Variants in SEC11C observed in about 807,000 individuals in gnomAD.
The protein encoded by SEC11C is signal peptidase complex catalytic subunit SEC11C.
SEC11C carries 10 observed loss-of-function variants against 21.9 expected under a neutral mutation model. The ratio of observed to expected loss-of-function variants is 0.46; its 90% CI spans 0.28 to 0.77. The LOEUF (loss-of-function observed/expected upper bound fraction) is 0.77, where lower values mean the gene tolerates loss of function less well. Among genes scored for constraint, SEC11C ranks in the 30% least tolerant of loss-of-function variants. The pLI, the probability that SEC11C is intolerant of heterozygous loss-of-function variation, is 0.12. For missense variants in SEC11C, 145 were observed against 244.5 expected, an observed-to-expected ratio of 0.59 and a Z score of 2.71; for synonymous variants, 83 against 85.6, an observed-to-expected ratio of 0.97 and a Z score of 0.17.
intron 1 of SEC11C, among the ~76,000 whole-genome samples, chr18:59,143,499 CA>C (rs2069235610): frequency 6.6e-6 from 1 of 152,108 alleles, no homozygotes; most frequent in African/African-American, 2.4e-5. Context: ...ATTATTGCCT[CA>C]AATTACCTAT....
chr18:59,151,000 A>C (rs2069345086), intron 2 of SEC11C, among the ~76,000 whole-genome samples: 1 of 152,112 alleles, frequency 6.6e-6, no homozygotes, highest in Admixed American at 6.5e-5. Flanking sequence ...ATGTTAAAGC[A>C]ATTTGGTTTG....
chr18:59,148,357 GT>G (rs2069303592), intron 1 of SEC11C, among the ~76,000 whole-genome samples: 1 of 152,222 alleles, frequency 6.6e-6, no homozygotes, highest in South Asian at 2.1e-4. Context: ...GGGCTGACAG[GT>G]CAGCTCCAGC....
rs1568068327 is a variant in SEC11C, at chr18:59,157,636, A to G, written c.496A>G (p.Ile166Val). 6.2e-7 allele frequency: 1 copy of G among 1,607,070 alleles called. No homozygotes were observed. Among genetic ancestry groups the G allele is most frequent in the Non-Finnish European group, 8.5e-7 (1 of 1,173,680 alleles). ...TTTACCATATGTTGGTATGGTCACC[A>G]TAATAATGAATGACTATCCAAAATT... The part of the protein sequence containing the change: ...GFLPYVGMVT[I>V]IMNDYPKFKY... The change falls in exon 5 of 6, where the codon ATA becomes GTA. Residue 166 changes from isoleucine to valine, a missense_variant. Transcript: ENST00000587834.
At position 59,149,546 on chromosome 18, in the gene SEC11C, G is replaced by C. The variant is rs375344740; in HGVS notation, c.121G>C (p.Val41Leu). The part of the protein sequence containing the change: ...YYQVLNFAMI[V>L]SSALMIWKGL... ...CCAGGTTTTAAACTTCGCCATGATC[G>C]TGTCTTCTGCACTCATGATATGGAA... Residue 41 changes from valine (V) to leucine (L), a missense_variant, in exon 2 of 6, where the codon GTG (valine) becomes CTG (leucine). Transcript: ENST00000587834. 1.2e-6 allele frequency: 2 copies of C among 1,611,022 alleles called. No individual in the cohort carries two copies. Among genetic ancestry groups the C allele is most frequent in the South Asian group, 1.1e-5 (1 of 90,864 alleles).
intron 4 of SEC11C, 171 bp downstream of exon 4, chr18:59,155,978 A>T (rs1489903815): frequency 4.2e-5 from 29 of 688,500 alleles, no homozygotes; most frequent in Non-Finnish European, 6.5e-5. Context: ...ATTCCTAAAG[A>T]CCTAAAATCT....
At chr18:59,141,322 A>C (rs930160073) in intron 1 of SEC11C, among the ~76,000 whole-genome samples, 1 of 152,232 alleles carries the variant, frequency 6.6e-6, no homozygotes, top group Admixed American at 6.5e-5. Flanking sequence ...TCACCAGCTT[A>C]AAAAAGTAAC....
chr18:59,157,468 G>A, intron 4 of SEC11C, 140 bp from the exon 5 acceptor site: 3 of 687,790 alleles, frequency 4.4e-6, no homozygotes, highest in East Asian at 2.7e-5. Flanking sequence ...AGACAGGGCT[G>A]AATACATCCT....
chr18:59,146,113 A>G (rs985223991), intron 1 of SEC11C, among the ~76,000 whole-genome samples: 3 of 152,226 alleles, frequency 2.0e-5, no homozygotes, highest in Non-Finnish European at 2.9e-5. Flanking sequence ...GAGACCTGTC[A>G]TGAGGCTTCA....
chr18:59,142,486 G>A (rs771806610), intron 1 of SEC11C, among the ~76,000 whole-genome samples: 1 of 152,168 alleles, frequency 6.6e-6, no homozygotes, highest in Admixed American at 6.5e-5. Flanking sequence ...ATGAAACAGC[G>A]GTTATTTATC....
chr18:59,150,940 G>A (rs983841908), intron 2 of SEC11C, among the ~76,000 whole-genome samples: 1 of 151,844 alleles, frequency 6.6e-6, no homozygotes, highest in African/African-American at 2.4e-5. Context: ...AGAAGGTAGT[G>A]TGAAATTGCT....
intron 1 of SEC11C, among the ~76,000 whole-genome samples, chr18:59,148,476 A>T (rs545730945): frequency 1.3e-5 from 2 of 152,368 alleles, no homozygotes; most frequent in African/African-American, 4.8e-5. Flanking sequence ...GCTTCAGCCC[A>T]TGCCATGCTG....
At chr18:59,145,057 T>C (rs917479604) in intron 1 of SEC11C, among the ~76,000 whole-genome samples, 3 of 152,328 alleles carry the variant, frequency 2.0e-5, no homozygotes, top group Non-Finnish European at 2.9e-5. Context: ...TTTTGTGGAA[T>C]GTAAGGTCTA....
chr18:59,156,039 A>G, intron 4 of SEC11C: 1 of 394,330 alleles, frequency 2.5e-6, no homozygotes, highest in Non-Finnish European at 4.5e-6. Context: ...ATCTGTTTCA[A>G]AATAAATCCA....
chr18:59,149,481 T>G (rs1311015607), intron 1 of SEC11C, 32 bp from the exon 2 acceptor site: 1 of 1,438,414 alleles, frequency 7.0e-7, no homozygotes, highest in Non-Finnish European at 9.8e-7. Context: ...CTGCTATTGG[T>G]TTTCATCGTG....
chr18:59,156,056 C>G (rs954200534), intron 4 of SEC11C: 11 of 348,868 alleles, frequency 3.2e-5, no homozygotes, highest in Non-Finnish European at 5.8e-5. Context: ...TCCAGCCAGG[C>G]GCAGTGGCTC....
intron 2 of SEC11C, 120 bp from the exon 3 acceptor site, chr18:59,152,415 AT>A: frequency 1.9e-6 from 2 of 1,062,590 alleles, no homozygotes; most frequent in South Asian, 2.2e-5. Flanking sequence ...AGGAAGCCAC[AT>A]TGGCTCGTTT....
intron 1 of SEC11C, among the ~76,000 whole-genome samples, chr18:59,140,473 A>G (rs1484224490): frequency 1.3e-5 from 2 of 152,224 alleles, no homozygotes; most frequent in Admixed American, 1.3e-4. Context: ...GAACTTTCCT[A>G]CAACGGGAGC....
At chr18:59,148,616 CTCCT>C (rs1255630383) in intron 1 of SEC11C, among the ~76,000 whole-genome samples, 2 of 110,688 alleles carry the variant, frequency 1.8e-5, no homozygotes, top group African/African-American at 4.1e-5. Context: ...CCCACCTGTG[CTCCT>C]TTTTTTTTTT....
intron 1 of SEC11C, among the ~76,000 whole-genome samples, chr18:59,142,087 T>A (rs1031561613): frequency 1.3e-5 from 2 of 152,160 alleles, no homozygotes; most frequent in Non-Finnish European, 2.9e-5. Flanking sequence ...AGTCAGCTTG[T>A]CAGTAGTTCA....
Sources: allele counts gnomAD v4.1 joint callset (sites outside exome capture counted in the v4.1 genomes callset), GRCh38; gene constraint gnomAD v4.1.1; transcripts MANE v1.5; gene names NCBI Gene and HGNC (gene_info 2026-07-23, HGNC 2026-07-21).